MLLT3: variants seen among roughly 807,000 people sequenced by gnomAD.
The protein encoded by MLLT3 is protein AF-9.
MLLT3 carries 4 observed loss-of-function variants against 53.2 expected under a neutral mutation model. The observed-to-expected ratio is 0.08, with a 90% CI of 0.04 to 0.17. MLLT3 has a LOEUF of 0.17. Among genes scored for constraint, MLLT3 ranks in the 10% least tolerant of loss-of-function variants. MLLT3 has a pLI of 1.00. For missense variants in MLLT3, 569 were observed against 684.0 expected (o/e 0.83, Z 1.87); for synonymous variants, 283 against 230.6 (o/e 1.23, Z -2.06).
intron 2 of MLLT3, among the ~76,000 whole-genome samples, chr9:20,585,464 T>A (rs371679916): frequency 6.6e-6 from 1 of 152,086 alleles, no homozygotes; most frequent in Non-Finnish European, 1.5e-5. Context: ...CAACGTACAG[T>A]AATAGTGTGT....
chr9:20,488,438 T>A (rs569240892), intron 2 of MLLT3, among the ~76,000 whole-genome samples: 2 of 152,110 alleles, frequency 1.3e-5, no homozygotes, highest in African/African-American at 4.8e-5. Flanking sequence ...GAATGAAAAA[T>A]TGAACAATGT....
chr9:20,579,261 C>T (rs1376894274), intron 2 of MLLT3, among the ~76,000 whole-genome samples: 1 of 151,956 alleles, frequency 6.6e-6, no homozygotes, highest in East Asian at 1.9e-4. Context: ...GTCCCAGCTA[C>T]TCTGGAGGCT....
chr9:20,528,377 C>A (rs1818252868), intron 2 of MLLT3, among the ~76,000 whole-genome samples: 1 of 152,142 alleles, frequency 6.6e-6, no homozygotes, highest in Non-Finnish European at 1.5e-5. Context: ...CAAAACCCAA[C>A]TGGTAACAGG....
chr9:20,350,333 C>G lies in MLLT3; in HGVS notation c.1575+3192G>C, dbSNP rs571357686. Among the ~76,000 whole-genome samples, 7 of 152,190 alleles carry G rather than the reference C, an allele frequency of 4.6e-5. 1 individual carries two copies. Among genetic ancestry groups the G allele is most frequent in the African/African-American group, 1.7e-4 (7 of 41,534 alleles). Reference sequence around the variant, plus strand: ...ACAGGCGGCCGGGCGCGGTGGCTCACGCCTGTAATCCCAGCACTTTGGGAG... The same window carrying G: ...ACAGGCGGCCGGGCGCGGTGGCTCAGGCCTGTAATCCCAGCACTTTGGGAG... On this transcript the variant is annotated intron_variant, in intron 10 of 10. Coordinates refer to ENST00000380338, the MANE Select transcript of MLLT3 (RefSeq NM_004529.4).
At chr9:20,445,105 A>AG (rs772328247) in intron 4 of MLLT3, among the ~76,000 whole-genome samples, 8 of 152,044 alleles carry the variant, frequency 5.3e-5, no homozygotes, top group Non-Finnish European at 8.8e-5. Context: ...AAAAAAAAAA[A>AG]GTTCGTCGGG....
intron 2 of MLLT3, among the ~76,000 whole-genome samples, chr9:20,542,546 A>G (rs907650520): frequency 1.3e-5 from 2 of 152,186 alleles, no homozygotes; most frequent in African/African-American, 2.4e-5. Flanking sequence ...CAGAGCAGTA[A>G]TATTTTTAAA....
intron 2 of MLLT3, among the ~76,000 whole-genome samples, chr9:20,480,951 G>T (rs1391473105): frequency 2.0e-5 from 3 of 152,270 alleles, no homozygotes; most frequent in East Asian, 1.9e-4. Flanking sequence ...TAAATAAATT[G>T]TCATGAGAAC....
intron 5 of MLLT3, among the ~76,000 whole-genome samples, chr9:20,407,855 A>G (rs982990419): frequency 6.6e-6 from 1 of 152,198 alleles, no homozygotes; most frequent in African/African-American, 2.4e-5. Context: ...CTAACAGACT[A>G]AACACTCAAG....
chr9:20,422,153 A>G (rs112794980), intron 4 of MLLT3, among the ~76,000 whole-genome samples: 1 of 152,162 alleles, frequency 6.6e-6, no homozygotes, highest in African/African-American at 2.4e-5. Context: ...GAAGCCCAAG[A>G]GTCTTTCGTT....
intron 2 of MLLT3, among the ~76,000 whole-genome samples, chr9:20,513,133 T>A (rs145612597): frequency 6.6e-6 from 1 of 152,328 alleles, no homozygotes; most frequent in African/African-American, 2.4e-5. Context: ...CAGTGTACCT[T>A]TCATGAGATC....
chr9:20,429,449 A>C (rs190030436), intron 4 of MLLT3, among the ~76,000 whole-genome samples: 38 of 152,348 alleles, frequency 2.5e-4, no homozygotes, highest in South Asian at 1.9e-3. Flanking sequence ...AATCCTACCA[A>C]GAAGAGTAAG....
At position 20,621,788 on chromosome 9, in the gene MLLT3, G is replaced by C. The variant is rs902127101; in HGVS notation, c.12+457C>G. The C allele has an allele frequency of 6.8e-7, 1 of 1,470,606 alleles. No homozygotes were observed. The highest frequency in any genetic ancestry group is 8.9e-7 in the Non-Finnish European group (1 of 1,120,234). The allele number at this position is 1,470,606 out of a possible 1,614,324, so 91.1% of individuals were successfully genotyped here. On this transcript the variant is annotated intron_variant, in intron 1 of 10. Transcript: ENST00000380338. This position sits in a 1 kb window ranked among gnomAD's most constrained non-coding sequence, Gnocchi z 7.0. ...GAGAACGCACCATCGTAGCGGCCGC[G>C]GCGCTTTGCGGAGGTGCGGCCGCCG... is the stretch of plus-strand genomic sequence containing the variant.
chr9:20,350,363 A>C (rs999738041), intron 10 of MLLT3, among the ~76,000 whole-genome samples: 2 of 152,190 alleles, frequency 1.3e-5, no homozygotes, highest in Admixed American at 1.3e-4. Context: ...TGGGAGGCCA[A>C]GGCGGGCGGA....
At chr9:20,436,638 G>T (rs192042846) in intron 4 of MLLT3, among the ~76,000 whole-genome samples, 1 of 152,030 alleles carries the variant, frequency 6.6e-6, no homozygotes, top group Admixed American at 6.6e-5. Flanking sequence ...ATGTGTAACC[G>T]TAGAAAGAAT....
chr9:20,467,588 TAAC>T, intron 2 of MLLT3, among the ~76,000 whole-genome samples: 1 of 152,002 alleles, frequency 6.6e-6, no homozygotes, highest in East Asian at 1.9e-4. Context: ...AAAAATAAAA[TAAC>T]AAAATAAAAA....
chr9:20,484,024 A>T (rs1305127597), intron 2 of MLLT3, among the ~76,000 whole-genome samples: 1 of 152,012 alleles, frequency 6.6e-6, no homozygotes, highest in Non-Finnish European at 1.5e-5. Flanking sequence ...TAAAACTCTT[A>T]ATTTAGCATA....
At chr9:20,610,855 A>G (rs987555732) in intron 2 of MLLT3, among the ~76,000 whole-genome samples, 5 of 152,194 alleles carry the variant, frequency 3.3e-5, no homozygotes, top group African/African-American at 7.2e-5. Context: ...AGAAAAAGTC[A>G]TACAACAAGC....
At chr9:20,377,806 TA>T (rs1358940085) in intron 5 of MLLT3, among the ~76,000 whole-genome samples, 2 of 152,134 alleles carry the variant, frequency 1.3e-5, no homozygotes, top group Non-Finnish European at 2.9e-5. Flanking sequence ...GTTTGACTTT[TA>T]ATATAACCAA....
chr9:20,390,769 A>T (rs749712173), intron 5 of MLLT3, among the ~76,000 whole-genome samples: 22 of 152,340 alleles, frequency 1.4e-4, no homozygotes, highest in Non-Finnish European at 2.2e-4. Context: ...TAACATTTGG[A>T]GAAACAATTT....
Sources: gnomAD v4.1 joint callset for allele counts (sites outside exome capture counted in the v4.1 genomes callset) on GRCh38, gnomAD v4.1.1 for gene constraint, Gnocchi (gnomAD v3.1) non-coding constraint, MANE v1.5 for transcripts, NCBI Gene and HGNC (gene_info 2026-07-23, HGNC 2026-07-21) for gene names.